The following AKR1C8 variants were observed in gnomAD, a reference collection of about 807,000 sequenced individuals.
AKR1C8 encodes the protein aldo-keto reductase family 1 member C8.
chr10:5,144,682 G>T, the AKR1C8 span, among the ~76,000 whole-genome samples: 12 of 150,294 alleles, frequency 8.0e-5, no homozygotes, highest in Admixed American at 6.6e-5. Context: ...GTCTGTTATT[G>T]GTGTATAAGA....
At chr10:5,157,204 TGCCAG>T in the AKR1C8 span, among the ~76,000 whole-genome samples, 79,493 of 151,402 alleles carry the variant, frequency 0.53, 21,810 homozygotes, top group Non-Finnish European at 0.6. Flanking sequence ...AACAGAGTCA[TGCCAG>T]GCCAGGGGCT....
chr10:5,176,014 G>A, the AKR1C8 span, among the ~76,000 whole-genome samples: 1 of 151,846 alleles, frequency 6.6e-6, no homozygotes, highest in African/African-American at 2.4e-5. Context: ...GTCTTTTGTT[G>A]CCATTGCTTT....
the AKR1C8 span, chr10:5,123,157 T>C: frequency 6.3e-6 from 1 of 158,364 alleles, no homozygotes; most frequent in Non-Finnish European, 1.5e-5. Flanking sequence ...AAAGCATTTG[T>C]GCATAGGAAA....
the AKR1C8 span, among the ~76,000 whole-genome samples, chr10:5,173,272 A>G: frequency 6.6e-6 from 1 of 152,204 alleles, no homozygotes; most frequent in African/African-American, 2.4e-5. Context: ...TTTTGAATAT[A>G]CTTAAAACTT....
chr10:5,129,538 G>C, the AKR1C8 span, among the ~76,000 whole-genome samples: 1 of 151,968 alleles, frequency 6.6e-6, no homozygotes, highest in Non-Finnish European at 1.5e-5. Flanking sequence ...GATTAACCAA[G>C]AAAAGGAGAG....
the AKR1C8 span, among the ~76,000 whole-genome samples, chr10:5,153,337 A>G: frequency 1.3e-5 from 2 of 152,230 alleles, no homozygotes; most frequent in East Asian, 3.8e-4. Flanking sequence ...ACTGCTTTAC[A>G]ACAAGTAAAA....
chr10:5,144,349 C>G, the AKR1C8 span, among the ~76,000 whole-genome samples: 3 of 151,662 alleles, frequency 2.0e-5, no homozygotes, highest in African/African-American at 7.3e-5. Flanking sequence ...ATTGACTTGG[C>G]GATGCGGGCT....
the AKR1C8 span, among the ~76,000 whole-genome samples, chr10:5,144,183 TA>T: frequency 2.0e-5 from 3 of 152,290 alleles, no homozygotes; most frequent in Admixed American, 1.3e-4. Context: ...CAGATAGTTG[TA>T]GATATGCGGT....
At chr10:5,177,048 C>T in the AKR1C8 span, among the ~76,000 whole-genome samples, 1 of 151,968 alleles carries the variant, frequency 6.6e-6, no homozygotes. Context: ...GCATCCCTGT[C>T]TTGTGCCAGT....
chr10:5,147,905 T>G, the AKR1C8 span, among the ~76,000 whole-genome samples: 1 of 152,216 alleles, frequency 6.6e-6, no homozygotes, highest in Non-Finnish European at 1.5e-5. Flanking sequence ...ACATTTCTGC[T>G]TATCATTGCT....
At chr10:5,123,951 G>T in the AKR1C8 span, 5 of 944,838 alleles carry the variant, frequency 5.3e-6, no homozygotes, top group Non-Finnish European at 7.6e-6. Context: ...CAATATTACT[G>T]TCAACTAATT....
the AKR1C8 span, among the ~76,000 whole-genome samples, chr10:5,166,242 C>T: frequency 2.8e-3 from 424 of 152,006 alleles, 2 homozygotes; most frequent in African/African-American, 9.8e-3. Flanking sequence ...AATGCCATCC[C>T]CATCAAGCTA....
chr10:5,154,403 C>G, the AKR1C8 span: 3 of 225,940 alleles, frequency 1.3e-5, no homozygotes, highest in East Asian at 1.1e-4. Context: ...CATAAAGATA[C>G]TTGTTAGTAA....
the AKR1C8 span, among the ~76,000 whole-genome samples, chr10:5,134,113 T>C: frequency 6.6e-6 from 1 of 152,220 alleles, no homozygotes. Context: ...AGAAGCTTTC[T>C]ATTTTCAATG....
the AKR1C8 span, chr10:5,154,781 T>C: frequency 1.3e-5 from 2 of 152,392 alleles, no homozygotes; most frequent in South Asian, 2.1e-4. Flanking sequence ...TCTAAACTCC[T>C]CTCTATTTAG....
the AKR1C8 span, among the ~76,000 whole-genome samples, chr10:5,168,134 C>T: frequency 6.6e-6 from 1 of 152,094 alleles, no homozygotes; most frequent in Non-Finnish European, 1.5e-5. Context: ...TATCCAACAA[C>T]TAGATCTTTC....
chr10:5,134,017 C>A, the AKR1C8 span, among the ~76,000 whole-genome samples: 1 of 151,980 alleles, frequency 6.6e-6, no homozygotes, highest in Non-Finnish European at 1.5e-5. Context: ...ATTTATCTAC[C>A]AAATTTGGAT....
the AKR1C8 span, among the ~76,000 whole-genome samples, chr10:5,129,349 A>T: frequency 1.2e-4 from 18 of 152,048 alleles, no homozygotes; most frequent in African/African-American, 4.3e-4. Context: ...TGACAACCTA[A>T]TATCACACCT....
At chr10:5,184,495 A>G in the AKR1C8 span, among the ~76,000 whole-genome samples, 19 of 152,288 alleles carry the variant, frequency 1.2e-4, no homozygotes, top group African/African-American at 3.8e-4. Flanking sequence ...TCCAGCCCCA[A>G]TAACCTCACA....
Sources: gnomAD v4.1 joint callset for allele counts (sites outside exome capture counted in the v4.1 genomes callset) on GRCh38, gnomAD v4.1.1 for gene constraint, MANE v1.5 for transcripts, NCBI Gene and HGNC (gene_info 2026-07-23, HGNC 2026-07-21) for gene names.